SRFBP1: variants seen among roughly 807,000 people sequenced by gnomAD.
SRFBP1 encodes serum response factor-binding protein 1.
SRFBP1 carries 47 observed loss-of-function variants against 45.5 expected under a neutral mutation model. The ratio of observed to expected loss-of-function variants is 1.03; its 90% CI spans 0.82 to 1.32. The LOEUF (loss-of-function observed/expected upper bound fraction) is 1.32. Among genes scored for constraint, SRFBP1 ranks in the 40% most tolerant of loss-of-function variants. SRFBP1 has a pLI of 0.00. For synonymous variants in SRFBP1, 203 were observed against 166.3 expected, an observed-to-expected ratio of 1.22 and a Z score of -1.70; for missense variants, 621 against 484.6, an observed-to-expected ratio of 1.28 and a Z score of -2.64.
intron 3 of SRFBP1, among the ~76,000 whole-genome samples, chr5:121,981,131 T>C (rs1185831230): frequency 2.0e-5 from 3 of 152,132 alleles, no homozygotes; most frequent in African/African-American, 7.2e-5. Context: ...CCAGGTGTTA[T>C]GCTTGTTTTC....
intron 2 of SRFBP1, among the ~76,000 whole-genome samples, chr5:122,058,195 C>G (rs540540497): frequency 1.3e-5 from 2 of 152,170 alleles, no homozygotes; most frequent in East Asian, 3.9e-4. Flanking sequence ...GTTCAGTCTT[C>G]CTATAGAATG....
intron 2 of SRFBP1, among the ~76,000 whole-genome samples, chr5:122,036,989 C>T (rs184794105): frequency 6.6e-6 from 1 of 151,748 alleles, no homozygotes. Flanking sequence ...CTGCCTCCCT[C>T]CCGGGTTCAA....
At chr5:122,039,418 T>C (rs147459960) in intron 2 of SRFBP1, among the ~76,000 whole-genome samples, 18 of 152,202 alleles carry the variant, frequency 1.2e-4, no homozygotes, top group African/African-American at 4.3e-4. Context: ...GGACATAGTA[T>C]GTTAAAAACT....
At chr5:122,075,438 G>A (rs1020489697) in exon 3 of SRFBP1, 1 of 1,613,616 alleles carries the variant, frequency 6.2e-7, no homozygotes, top group Non-Finnish European at 8.5e-7. Flanking sequence ...GAATATCTTG[G>A]TCGGCTGGGT....
Position 122,020,237 on chromosome 5 carries a change from CA to C in SRFBP1, c.507del (p.Val170SerfsTer19). On this transcript the variant is annotated frameshift_variant, in exon 6 of 8. Transcript: ENST00000339397. LOFTEE classifies it high-confidence loss of function. ...GCGTGAAGCAACTGTCATCAGTGAG[CA>C]AAAAGTCAAAGAAACCAAAATATTG... ...LQREATVISE[Q>X]KVKETKILAK... is the part of the protein sequence containing the mutation. The C allele has an allele frequency of 6.2e-7, 1 of 1,612,298 alleles. No homozygotes were observed. The highest frequency in any genetic ancestry group is 1.1e-5 in the South Asian group (1 of 90,486).
At chr5:122,035,548 T>C (rs1753680281) in intron 2 of SRFBP1, among the ~76,000 whole-genome samples, 1 of 152,216 alleles carries the variant, frequency 6.6e-6, no homozygotes, top group African/African-American at 2.4e-5. Flanking sequence ...GGCTGCTTGG[T>C]TTTCCGACTA....
intron 7 of SRFBP1, among the ~76,000 whole-genome samples, chr5:122,025,625 T>A (rs1050097389): frequency 1.3e-5 from 2 of 152,332 alleles, no homozygotes; most frequent in Admixed American, 1.3e-4. Flanking sequence ...CAGTTTTTTT[T>A]AAACTTTTCA....
intron 1 of SRFBP1, among the ~76,000 whole-genome samples, chr5:121,966,100 GT>G (rs1350950954): frequency 1.3e-5 from 2 of 152,060 alleles, no homozygotes; most frequent in Admixed American, 6.6e-5. Flanking sequence ...AAACAATGGG[GT>G]TTTCTAGATA....
chr5:122,034,312 T>C (rs1207262839), intron 2 of SRFBP1, among the ~76,000 whole-genome samples: 2 of 152,240 alleles, frequency 1.3e-5, no homozygotes, highest in Non-Finnish European at 2.9e-5. Flanking sequence ...ATTATATTTA[T>C]TACATTTAGT....
Position 122,019,287 on chromosome 5 carries a change from A to C in SRFBP1, c.298A>C (p.Ile100Leu), listed in dbSNP as rs757862794. The change falls in exon 5 of 8, where the codon ATT (isoleucine) becomes CTT (leucine). Residue 100 changes from isoleucine to leucine, a missense_variant. Ile to Leu is a conservative substitution (Grantham distance 5). Coordinates refer to ENST00000339397, the MANE Select transcript of SRFBP1 (RefSeq NM_152546.3). ...AGATTCTACTGCAACTGAAAGAGCA[A>C]TTGCCAGACTAGCAGTACATCCTCT... ...KPDSTATERA[I>L]ARLAVHPLLK... The C allele has an allele frequency of 1.3e-5, 21 of 1,612,498 alleles. No homozygotes were observed. The highest frequency in any genetic ancestry group is 1.7e-5 in the Non-Finnish European group (20 of 1,179,202).
intron 2 of SRFBP1, among the ~76,000 whole-genome samples, chr5:122,045,788 A>G (rs1469176088): frequency 6.6e-6 from 1 of 152,196 alleles, no homozygotes; most frequent in East Asian, 1.9e-4. Flanking sequence ...ATATAGAATC[A>G]TGTCATCTGC....
At chr5:121,976,733 A>G (rs1322327517) in intron 3 of SRFBP1, among the ~76,000 whole-genome samples, 1 of 150,690 alleles carries the variant, frequency 6.6e-6, no homozygotes. Context: ...GTGTGTGTGT[A>G]TGCATGTATA....
chr5:122,036,641 G>T (rs1462729214), intron 2 of SRFBP1, among the ~76,000 whole-genome samples: 2 of 152,148 alleles, frequency 1.3e-5, no homozygotes, highest in Non-Finnish European at 1.5e-5. Flanking sequence ...TTGACCCTGT[G>T]TAAAAACCTT....
At position 121,975,332 on chromosome 5, in the gene SRFBP1, T is replaced by G; in HGVS notation, c.143T>G (p.Leu48Arg). Residue 48 changes from leucine to arginine, a missense_variant, in exon 3 of 8, where the codon CTG becomes CGG. Leu to Arg is a moderately radical substitution (Grantham distance 102). Transcript: ENST00000339397. ...LKSKKGTEDA[L>R]LKNQRRAQRL... is the part of the protein sequence containing the mutation. Reference sequence around the variant, plus strand: ...TTTTGCAGGGGTACTGAAGATGCACTGTTAAAAAACCAAAGACGGGCGCAA... The same window carrying G: ...TTTTGCAGGGGTACTGAAGATGCACGGTTAAAAAACCAAAGACGGGCGCAA... 6.2e-7 allele frequency: 1 copy of G among 1,613,296 alleles called. No homozygotes were observed.
chr5:121,990,346 T>C (rs1752594286), intron 3 of SRFBP1, among the ~76,000 whole-genome samples: 1 of 152,212 alleles, frequency 6.6e-6, no homozygotes. Flanking sequence ...CTTCATGTTC[T>C]CATTTTCACT....
intron 6 of SRFBP1, 58 bp downstream of exon 6, chr5:122,020,860 T>G (rs150587570): frequency 7.2e-7 from 1 of 1,387,156 alleles, no homozygotes; most frequent in East Asian, 2.5e-5. Context: ...AAGCTATAAA[T>G]GTCTACTTGT....
chr5:122,057,459 CTGTGTGTGTG>C (rs3028227), intron 2 of SRFBP1, among the ~76,000 whole-genome samples: 47 of 146,516 alleles, frequency 3.2e-4, no homozygotes, highest in African/African-American at 5.2e-4. Flanking sequence ...GTTCTCAGTT[CTGTGTGTGTG>C]TGTGTGTGTG....
intron 4 of SRFBP1, among the ~76,000 whole-genome samples, chr5:122,019,025 A>G (rs1331432686): frequency 1.3e-5 from 2 of 152,166 alleles, no homozygotes; most frequent in East Asian, 1.9e-4. Flanking sequence ...TCCAAAGAAT[A>G]TTTATTAATG....
intron 4 of SRFBP1, among the ~76,000 whole-genome samples, chr5:122,010,904 C>G (rs1753079492): frequency 6.6e-6 from 1 of 151,964 alleles, no homozygotes; most frequent in South Asian, 2.1e-4. Flanking sequence ...TTTAAAAAAT[C>G]TTAGTTGAGT....
Sources: allele counts gnomAD v4.1 joint callset (sites outside exome capture counted in the v4.1 genomes callset), GRCh38; gene constraint gnomAD v4.1.1; transcripts MANE v1.5; gene names NCBI Gene and HGNC (gene_info 2026-07-23, HGNC 2026-07-21).